Variants in NCKAP5 observed in about 807,000 individuals in gnomAD.
NCKAP5 encodes the protein nck-associated protein 5.
NCKAP5 carries 92 observed loss-of-function variants against 167.0 expected under a neutral mutation model. The observed-to-expected ratio is 0.55, with a 90% CI of 0.47 to 0.66. NCKAP5 has a LOEUF of 0.66. NCKAP5 is among the 30% of genes least tolerant of loss of function. NCKAP5 has a pLI of 0.00. For synonymous variants in NCKAP5, 891 were observed against 877.4 expected (o/e 1.02, Z -0.27); for missense variants, 2,378 against 2,315.0 (o/e 1.03, Z -0.56).
intron 3 of NCKAP5, among the ~76,000 whole-genome samples, chr2:133,344,618 A>G (rs1683837423): frequency 6.6e-6 from 1 of 152,012 alleles, no homozygotes; most frequent in Admixed American, 6.6e-5. Context: ...AGAGTGGTAG[A>G]AGTAGAAGTG....
chr2:132,907,471 G>C lies in NCKAP5; in HGVS notation c.580-28555C>G, dbSNP rs1451423964. On this transcript the variant is annotated intron_variant, in intron 8 of 19. Coordinates refer to ENST00000409261, the MANE Select transcript of NCKAP5 (RefSeq NM_207363.3). ...CTCCCATCTTAAGATACTCAGTTTA[G>C]CTCTTAGAGACTCTGTCCACATTTT... 2.0e-5 allele frequency among the ~76,000 whole-genome samples: 3 copies of C among 152,110 alleles called. No individual in the cohort carries two copies. The East Asian group carries it at 5.8e-4, about 29-fold the overall frequency.
intron 2 of NCKAP5, among the ~76,000 whole-genome samples, chr2:133,535,934 G>A (rs754452219): frequency 1.3e-5 from 2 of 152,040 alleles, no homozygotes; most frequent in Admixed American, 6.6e-5. Flanking sequence ...TCACTTGTAC[G>A]TCTTCTTTTG....
chr2:133,538,586 C>T (rs891115210), intron 2 of NCKAP5, among the ~76,000 whole-genome samples: 5 of 152,004 alleles, frequency 3.3e-5, no homozygotes, highest in African/African-American at 9.6e-5. Context: ...AAAAGGACAC[C>T]GAAGTCTTGG....
At chr2:132,714,345 G>A (rs1361481050) in intron 19 of NCKAP5, among the ~76,000 whole-genome samples, 1 of 152,150 alleles carries the variant, frequency 6.6e-6, no homozygotes, top group Non-Finnish European at 1.5e-5. Context: ...TCCAGAAATT[G>A]TTCTGCGTAT....
intron 8 of NCKAP5, among the ~76,000 whole-genome samples, chr2:132,883,579 A>G (rs1375211567): frequency 6.6e-6 from 1 of 151,978 alleles, no homozygotes; most frequent in Non-Finnish European, 1.5e-5. Flanking sequence ...TGAGACAGCC[A>G]CCTGGGTCTG....
At chr2:132,733,570 A>C (rs1691228269) in intron 16 of NCKAP5, among the ~76,000 whole-genome samples, 1 of 152,246 alleles carries the variant, frequency 6.6e-6, no homozygotes, top group South Asian at 2.1e-4. Context: ...ACTGTGAGAC[A>C]GCCAAGTAAA....
the NCKAP5 span, among the ~76,000 whole-genome samples, chr2:133,656,037 C>A: frequency 6.6e-6 from 1 of 152,266 alleles, no homozygotes; most frequent in African/African-American, 2.4e-5. Flanking sequence ...TTTCTTCTTA[C>A]GGATTTTCAA....
chr2:133,065,049 T>C (rs1484624026), intron 6 of NCKAP5, among the ~76,000 whole-genome samples: 1 of 152,204 alleles, frequency 6.6e-6, no homozygotes, highest in Non-Finnish European at 1.5e-5. Flanking sequence ...AACAGAGTCA[T>C]TTAGCCTCAT....
chr2:132,809,472 G>A (rs1574292251), intron 11 of NCKAP5, among the ~76,000 whole-genome samples: 1 of 151,892 alleles, frequency 6.6e-6, no homozygotes, highest in East Asian at 1.9e-4. Context: ...TATATTTTTA[G>A]GATTGTGATA....
chr2:133,014,160 G>A (rs543027593), intron 6 of NCKAP5, among the ~76,000 whole-genome samples: 19 of 152,226 alleles, frequency 1.2e-4, no homozygotes, highest in Admixed American at 7.2e-4. Flanking sequence ...CTTACTGTCC[G>A]CAAGACAAAG....
intron 2 of NCKAP5, 93 bp downstream of exon 2, chr2:133,558,957 C>T (rs1687963396): frequency 6.6e-6 from 1 of 151,938 alleles, no homozygotes; most frequent in African/African-American, 2.4e-5. Context: ...AGTACAAGGG[C>T]CTACGTCGTC....
intron 11 of NCKAP5, among the ~76,000 whole-genome samples, chr2:132,832,127 T>C (rs1288219218): frequency 6.6e-6 from 1 of 152,176 alleles, no homozygotes; most frequent in Non-Finnish European, 1.5e-5. Context: ...AAAAATTTTC[T>C]TCCAGTTCTT....
At chr2:133,065,911 G>T (rs2080177936) in intron 6 of NCKAP5, among the ~76,000 whole-genome samples, 1 of 152,316 alleles carries the variant, frequency 6.6e-6, no homozygotes, top group East Asian at 1.9e-4. Flanking sequence ...GCAATATATA[G>T]TTCATGTAGC....
At chr2:133,649,954 C>T in the NCKAP5 span, among the ~76,000 whole-genome samples, 7 of 151,688 alleles carry the variant, frequency 4.6e-5, no homozygotes, top group Non-Finnish European at 2.9e-5. Flanking sequence ...TATTGGAAAG[C>T]CTAAAGACTC....
the NCKAP5 span, among the ~76,000 whole-genome samples, chr2:133,659,623 T>A: frequency 6.6e-6 from 1 of 152,196 alleles, no homozygotes; most frequent in Non-Finnish European, 1.5e-5. Flanking sequence ...GTATTCAGAA[T>A]ATACTGGGAT....
intron 6 of NCKAP5, among the ~76,000 whole-genome samples, chr2:133,083,388 G>A (rs1469818732): frequency 6.6e-6 from 1 of 152,162 alleles, no homozygotes; most frequent in Admixed American, 6.5e-5. Flanking sequence ...TGGAACTGGA[G>A]TAATCAGGGG....
chr2:132,942,369 C>T (rs1248761020), intron 8 of NCKAP5, among the ~76,000 whole-genome samples: 2 of 151,776 alleles, frequency 1.3e-5, no homozygotes, highest in Non-Finnish European at 1.5e-5. Context: ...TTCTGTGGGG[C>T]TGAGGTTGGG....
At chr2:133,655,055 T>C in the NCKAP5 span, among the ~76,000 whole-genome samples, 10 of 152,118 alleles carry the variant, frequency 6.6e-5, no homozygotes, top group African/African-American at 2.2e-4. Context: ...AACTCCTACA[T>C]TGTGAAAGAG....
rs60164707 is a variant in NCKAP5 at position 132,887,085 on chromosome 2, T to C, written c.580-8169A>G. On this transcript the variant is annotated intron_variant, in intron 8 of 19. Transcript: ENST00000409261. ...ATTTCTCCACTATAAAATTATTTAT[T>C]TCCTTTTATCAACAGTAAGTATCTT... 3.3e-5 allele frequency among the ~76,000 whole-genome samples: 5 copies of C among 152,290 alleles called. No individual in the cohort carries two copies. The East Asian group carries it at 9.6e-4, about 29-fold the overall frequency.
Sources: gnomAD v4.1 joint callset for allele counts (sites outside exome capture counted in the v4.1 genomes callset) on GRCh38, gnomAD v4.1.1 for gene constraint, MANE v1.5 for transcripts, NCBI Gene and HGNC (gene_info 2026-07-23, HGNC 2026-07-21) for gene names.